The following PDE4D variants were observed in gnomAD, a reference collection of about 807,000 sequenced individuals.
PDE4D encodes the protein 3',5'-cyclic-AMP phosphodiesterase 4D.
In PDE4D, 24 loss-of-function variants were observed where a neutral mutation model predicts 87.4. The ratio of observed to expected loss-of-function variants is 0.27; its 90% CI spans 0.20 to 0.39. The LOEUF (loss-of-function observed/expected upper bound fraction) is 0.39, where lower values mean the gene tolerates loss of function less well. Among genes scored for constraint, PDE4D ranks in the 10% least tolerant of loss-of-function variants. PDE4D has a pLI of 1.00. For synonymous variants in PDE4D, 384 were observed against 383.2 expected, an observed-to-expected ratio of 1.00 and a Z score of -0.02; for missense variants, 714 against 1,041.0, an observed-to-expected ratio of 0.69 and a Z score of 4.32.
At chr5:60,035,258 A>G (rs1767669948) in intron 2 of PDE4D, among the ~76,000 whole-genome samples, 1 of 147,608 alleles carries the variant, frequency 6.8e-6, no homozygotes, top group Admixed American at 6.7e-5. Context: ...TCCGTCTCAA[A>G]AAAAAAAAAA....
intron 2 of PDE4D, among the ~76,000 whole-genome samples, chr5:60,001,141 T>C (rs1201533312): frequency 6.6e-6 from 1 of 152,006 alleles, no homozygotes; most frequent in East Asian, 1.9e-4. Flanking sequence ...TCCCTACCCA[T>C]AGACATACTC....
At chr5:59,749,028 T>C (rs1760040199) in intron 1 of PDE4D, among the ~76,000 whole-genome samples, 1 of 152,186 alleles carries the variant, frequency 6.6e-6, no homozygotes, top group Admixed American at 6.6e-5. Context: ...CCAGCTAAGC[T>C]GCTCCCTGAT....
intron 1 of PDE4D, among the ~76,000 whole-genome samples, chr5:59,570,601 T>C (rs1821663788): frequency 6.6e-6 from 1 of 151,976 alleles, no homozygotes; most frequent in African/African-American, 2.4e-5. Flanking sequence ...GAAATAGGTA[T>C]TTTAAACACA....
chr5:59,643,749 C>T (rs923576319), intron 1 of PDE4D, among the ~76,000 whole-genome samples: 1 of 152,126 alleles, frequency 6.6e-6, no homozygotes, highest in Non-Finnish European at 1.5e-5. Flanking sequence ...ACCAAAAACA[C>T]CTATATAATT....
intron 1 of PDE4D, among the ~76,000 whole-genome samples, chr5:59,816,515 A>C (rs1003369621): frequency 2.0e-5 from 3 of 152,226 alleles, no homozygotes; most frequent in African/African-American, 7.2e-5. Flanking sequence ...TAAGGCACTT[A>C]CCAAAAATAC....
At chr5:59,552,964 T>C (rs1818354362) in intron 1 of PDE4D, among the ~76,000 whole-genome samples, 1 of 152,208 alleles carries the variant, frequency 6.6e-6, no homozygotes, top group Admixed American at 6.5e-5. Flanking sequence ...AGAAAATTTA[T>C]ATAACATACT....
At chr5:59,578,273 T>G (rs1197024436) in intron 1 of PDE4D, among the ~76,000 whole-genome samples, 1 of 152,108 alleles carries the variant, frequency 6.6e-6, no homozygotes, top group African/African-American at 2.4e-5. Flanking sequence ...GTCATGAAAA[T>G]GGAACTGCAA....
chr5:60,114,464 C>G (rs1264320139), intron 2 of PDE4D, among the ~76,000 whole-genome samples: 2 of 151,928 alleles, frequency 1.3e-5, no homozygotes, highest in Non-Finnish European at 2.9e-5. Context: ...TTTACTTGAC[C>G]CTGCAGAACC....
intron 1 of PDE4D, among the ~76,000 whole-genome samples, chr5:59,609,493 T>C (rs1828699697): frequency 6.6e-6 from 1 of 152,058 alleles, no homozygotes; most frequent in Non-Finnish European, 1.5e-5. Flanking sequence ...TACGTGTCAC[T>C]TCTGGGGGAA....
chr5:59,372,141 A>T (rs961947101), intron 1 of PDE4D, among the ~76,000 whole-genome samples: 1 of 152,218 alleles, frequency 6.6e-6, no homozygotes, highest in Non-Finnish European at 1.5e-5. Context: ...TTCCTTTAGT[A>T]ATTAGCTTAA....
intron 1 of PDE4D, among the ~76,000 whole-genome samples, chr5:59,880,281 T>C (rs1404988584): frequency 6.6e-6 from 1 of 152,018 alleles, no homozygotes; most frequent in East Asian, 1.9e-4. Context: ...AGCTAATTAT[T>C]GTATTTTTTG....
intron 1 of PDE4D, among the ~76,000 whole-genome samples, chr5:60,316,280 T>G (rs1755585493): frequency 1.3e-5 from 2 of 152,152 alleles, no homozygotes; most frequent in Non-Finnish European, 2.9e-5. Context: ...GATTTGGCTC[T>G]CTGTTTGTCT....
chr5:59,710,019 G>A (rs993935698), intron 1 of PDE4D, among the ~76,000 whole-genome samples: 1 of 152,176 alleles, frequency 6.6e-6, no homozygotes, highest in Non-Finnish European at 1.5e-5. Context: ...TAGGGAAAGA[G>A]AGGACATGCT....
At chr5:59,418,618 C>T (rs244566) in intron 1 of PDE4D, among the ~76,000 whole-genome samples, 73,135 of 151,922 alleles carry the variant, frequency 0.48, 18,468 homozygotes, top group African/African-American at 0.63. Context: ...TGACTGGTGC[C>T]TGGGTCCCAA....
intron 1 of PDE4D, among the ~76,000 whole-genome samples, chr5:59,864,464 C>T (rs868426894): frequency 6.6e-6 from 1 of 152,168 alleles, no homozygotes; most frequent in Non-Finnish European, 1.5e-5. Flanking sequence ...TAGTGTCTTC[C>T]TAAAAATAAA....
chr5:59,224,205 C>T (rs924807087), intron 1 of PDE4D, among the ~76,000 whole-genome samples: 1 of 150,986 alleles, frequency 6.6e-6, no homozygotes, highest in Non-Finnish European at 1.5e-5. Flanking sequence ...TCACTTGAGC[C>T]CAGGAGGCTG....
Position 60,010,504 on chromosome 5 carries a change from C to A in PDE4D, c.43-21787G>T, listed in dbSNP as rs189209418. On this transcript the variant is annotated intron_variant, in intron 2 of 16. Transcript: ENST00000502484. ...AGTAAAAATCAGTCAAATGCAAATACACAAAAAAGTTTATCACTCCCCAGG... is the reference window on the plus strand; with the variant it reads ...AGTAAAAATCAGTCAAATGCAAATAAACAAAAAAGTTTATCACTCCCCAGG... Among the ~76,000 whole-genome samples, 3 of 152,212 alleles carry A rather than the reference C, an allele frequency of 2.0e-5. No homozygotes were observed. In the East Asian group the frequency reaches 5.8e-4, roughly 29 times the overall value.
At chr5:59,206,740 C>T (rs190475994) in intron 2 of PDE4D, among the ~76,000 whole-genome samples, 5 of 152,226 alleles carry the variant, frequency 3.3e-5, no homozygotes, top group East Asian at 1.9e-4. Context: ...ATTTTCCAAA[C>T]GAGTAAAACA....
At chr5:59,474,145 G>T (rs1332471469) in intron 1 of PDE4D, among the ~76,000 whole-genome samples, 6 of 152,048 alleles carry the variant, frequency 3.9e-5, no homozygotes, top group Non-Finnish European at 7.4e-5. Context: ...GAACTAAGTG[G>T]CATAACACTA....
Sources: gnomAD v4.1 joint callset for allele counts (sites outside exome capture counted in the v4.1 genomes callset) on GRCh38, gnomAD v4.1.1 for gene constraint, MANE v1.5 for transcripts, NCBI Gene and HGNC (gene_info 2026-07-23, HGNC 2026-07-21) for gene names.